Variants in TRDN observed in about 807,000 individuals in gnomAD.
The protein encoded by TRDN is triadin in skeletal muscle.
TRDN carries 161 observed loss-of-function variants against 149.7 expected under a neutral mutation model. The ratio of observed to expected loss-of-function variants is 1.08; its 90% confidence interval spans 0.95 to 1.23. TRDN has a LOEUF of 1.23. TRDN is among the 50% of genes most tolerant of loss of function. TRDN has a pLI of 0.00. For synonymous variants in TRDN, 294 were observed against 250.5 expected (o/e 1.17, Z -1.64); for missense variants, 896 against 823.5 (o/e 1.09, Z -1.08).
At chr6:123,290,535 C>T (rs1279411117) in intron 24 of TRDN, among the ~76,000 whole-genome samples, 1 of 152,032 alleles carries the variant, frequency 6.6e-6, no homozygotes, top group Non-Finnish European at 1.5e-5. Flanking sequence ...TAAATGGTGA[C>T]ATGTTTTGCA....
chr6:123,268,455 G>T (rs978008384), intron 31 of TRDN, among the ~76,000 whole-genome samples: 1 of 152,046 alleles, frequency 6.6e-6, no homozygotes, highest in Non-Finnish European at 1.5e-5. Flanking sequence ...GGAATTTAAA[G>T]TCAACCATAT....
intron 19 of TRDN, among the ~76,000 whole-genome samples, 190 bp from the exon 20 acceptor site, chr6:123,366,372 A>G (rs1013531237): frequency 6.6e-6 from 1 of 152,220 alleles, no homozygotes; most frequent in Non-Finnish European, 1.5e-5. Flanking sequence ...AAATAGCAAT[A>G]AAGAAATTCT....
intron 5 of TRDN, among the ~76,000 whole-genome samples, chr6:123,519,422 C>T (rs1163010952): frequency 6.6e-6 from 1 of 151,410 alleles, no homozygotes; most frequent in East Asian, 2.0e-4. Context: ...ACCAGGCAGA[C>T]TATGTCTTTT....
intron 19 of TRDN, among the ~76,000 whole-genome samples, chr6:123,367,176 A>T (rs1267671604): frequency 2.0e-5 from 3 of 152,120 alleles, no homozygotes; most frequent in Admixed American, 6.5e-5. Context: ...GTTAAAGTCA[A>T]AGTTTTCTCT....
At chr6:123,464,028 G>T (rs779799225) in intron 10 of TRDN, among the ~76,000 whole-genome samples, 7 of 151,994 alleles carry the variant, frequency 4.6e-5, no homozygotes, top group Non-Finnish European at 8.8e-5. Flanking sequence ...CCCTTTCTAG[G>T]GTGGCTGTGA....
intron 25 of TRDN, 30 bp from the exon 26 acceptor site, chr6:123,278,377 T>C (rs1777453514): frequency 8.2e-7 from 1 of 1,213,718 alleles, no homozygotes. Context: ...TTAGTAACAA[T>C]GATTATAGAA....
At chr6:123,320,554 AAT>A (rs1330026257) in intron 23 of TRDN, among the ~76,000 whole-genome samples, 2 of 147,014 alleles carry the variant, frequency 1.4e-5, no homozygotes, top group Non-Finnish European at 3.0e-5. Context: ...GAGACTTAAT[AAT>A]ATGTTTAAAT....
intron 20 of TRDN, among the ~76,000 whole-genome samples, chr6:123,361,384 C>A (rs904218917): frequency 6.6e-6 from 1 of 151,426 alleles, no homozygotes; most frequent in East Asian, 1.9e-4. Context: ...GGGTGGGGGG[C>A]AAAGGGAGGG....
At chr6:123,605,773 C>T (rs983133779) in intron 1 of TRDN, among the ~76,000 whole-genome samples, 1 of 151,940 alleles carries the variant, frequency 6.6e-6, no homozygotes, top group Non-Finnish European at 1.5e-5. Context: ...AAAACAAAAA[C>T]AAAAGCTTTT....
intron 26 of TRDN, among the ~76,000 whole-genome samples, chr6:123,278,055 CTTGGTT>C (rs1461094645): frequency 6.6e-6 from 1 of 152,092 alleles, no homozygotes; most frequent in Non-Finnish European, 1.5e-5. Flanking sequence ...CAGAGAAAAT[CTTGGTT>C]TTGTGGGAAT....
At chr6:123,513,376 G>T (rs1315402432) in intron 6 of TRDN, among the ~76,000 whole-genome samples, 1 of 152,040 alleles carries the variant, frequency 6.6e-6, no homozygotes. Flanking sequence ...TTTTATTTCT[G>T]CTTTTCAATT....
At chr6:123,369,474 A>AC (rs1239393116) in intron 19 of TRDN, among the ~76,000 whole-genome samples, 1 of 151,744 alleles carries the variant, frequency 6.6e-6, no homozygotes, top group South Asian at 2.1e-4. Flanking sequence ...CTGAAGGAAG[A>AC]CCCCCACCCT....
At chr6:123,254,940 A>T (rs953353886) in intron 37 of TRDN, 141 bp downstream of exon 37, 7 of 603,528 alleles carry the variant, frequency 1.2e-5, no homozygotes, top group African/African-American at 1.1e-4. Flanking sequence ...TAGATTTTCT[A>T]CCTGTCCACT....
intron 1 of TRDN, among the ~76,000 whole-genome samples, chr6:123,589,566 C>T (rs1783682246): frequency 6.6e-6 from 1 of 152,112 alleles, no homozygotes; most frequent in South Asian, 2.1e-4. Flanking sequence ...TTTACTTTCT[C>T]TTTCCTAAAG....
intron 9 of TRDN, among the ~76,000 whole-genome samples, chr6:123,490,221 A>G (rs977577626): frequency 6.6e-6 from 1 of 152,226 alleles, no homozygotes; most frequent in Non-Finnish European, 1.5e-5. Flanking sequence ...CCTCTTATCC[A>G]TAAAAAATGT....
At chr6:123,498,521 C>T (rs1778543469) in intron 8 of TRDN, 1 of 470,336 alleles carries the variant, frequency 2.1e-6, no homozygotes, top group Non-Finnish European at 4.4e-6. Context: ...AATTGGAGCA[C>T]ATTTTCCCAC....
intron 12 of TRDN, among the ~76,000 whole-genome samples, chr6:123,418,119 C>T (rs930155694): frequency 6.6e-6 from 1 of 152,064 alleles, no homozygotes; most frequent in Admixed American, 6.6e-5. Flanking sequence ...ATAATTTTGA[C>T]CCAGAGGTAG....
At chr6:123,545,641 A>C (rs1781075288) in intron 4 of TRDN, among the ~76,000 whole-genome samples, 1 of 151,944 alleles carries the variant, frequency 6.6e-6, no homozygotes. Flanking sequence ...CTGAGTATGT[A>C]ATCTTTAAGG....
chr6:123,223,765 C>G (rs1775250230), intron 39 of TRDN, among the ~76,000 whole-genome samples: 1 of 147,438 alleles, frequency 6.8e-6, no homozygotes. Context: ...TGACTCATCT[C>G]AAGTCTTCTT....
Sources: gnomAD v4.1 joint callset for allele counts (sites outside exome capture counted in the v4.1 genomes callset) on GRCh38, gnomAD v4.1.1 for gene constraint, MANE v1.5 for transcripts, NCBI Gene and HGNC (gene_info 2026-07-23, HGNC 2026-07-21) for gene names.